ADAM20: variants seen among roughly 807,000 people sequenced by gnomAD.
The protein encoded by ADAM20 is ADAM metallopeptidase domain 20, also known as disintegrin and metalloproteinase domain-containing protein 20.
For missense variants in ADAM20, 871 were observed against 883.2 expected, an observed-to-expected ratio of 0.99 and a Z score of 0.18; for synonymous variants, 305 against 310.2, an observed-to-expected ratio of 0.98 and a Z score of 0.18.
the ADAM20 span, among the ~76,000 whole-genome samples, chr14:70,571,278 G>T: frequency 6.6e-6 from 1 of 152,146 alleles, no homozygotes; most frequent in Admixed American, 6.5e-5. Context: ...CCCATGTGGT[G>T]TGGGAAGGAC....
the ADAM20 span, among the ~76,000 whole-genome samples, chr14:70,552,904 C>T: frequency 3.1e-5 from 1 of 32,262 alleles, no homozygotes; most frequent in South Asian, 1.2e-3. Flanking sequence ...GACTTGGAAC[C>T]AACCCAAATG....
chr14:70,526,332 C>T (rs892843672), intron 1 of ADAM20, among the ~76,000 whole-genome samples: 9 of 152,156 alleles, frequency 5.9e-5, no homozygotes, highest in African/African-American at 2.2e-4. Context: ...AACCTCTATC[C>T]CTCCATGTGG....
chr14:70,570,936 G>A, the ADAM20 span, among the ~76,000 whole-genome samples: 1 of 152,150 alleles, frequency 6.6e-6, no homozygotes, highest in African/African-American at 2.4e-5. Flanking sequence ...TTATTTCTGG[G>A]AAACAAGGAT....
rs1300223024 is a variant in ADAM20 at position 70,523,635 on chromosome 14, T to C, written c.1123A>G (p.Lys375Glu). Residue 375 changes from lysine (K) to glutamate (E), a missense_variant, in exon 2 of 2, where the codon AAA (lysine) becomes GAA (glutamate). Coordinates refer to ENST00000256389, the MANE Select transcript of ADAM20 (RefSeq NM_003814.5). Reference protein sequence around the residue: ...IMHAYRKVTTKFSNCSYAQYW... With the variant: ...IMHAYRKVTTEFSNCSYAQYW... ...TGGGCATAACTGCAGTTGCTAAATT[T>C]AGTTGTCACCTTTCTATAGGCATGC... 2 of 1,613,986 alleles carry C rather than the reference T, an allele frequency of 1.2e-6. No individual in the cohort carries two copies. Among genetic ancestry groups the C allele is most frequent in the East Asian group, 2.2e-5 (1 of 44,888 alleles).
chr14:70,529,106 AT>A (rs1021995165), intron 1 of ADAM20, among the ~76,000 whole-genome samples: 13 of 152,310 alleles, frequency 8.5e-5, no homozygotes, highest in African/African-American at 2.9e-4. Flanking sequence ...TTGATACCCT[AT>A]TTTCAATAAT....
chr14:70,562,970 T>A, the ADAM20 span, among the ~76,000 whole-genome samples: 1 of 152,326 alleles, frequency 6.6e-6, no homozygotes, highest in African/African-American at 2.4e-5. Context: ...CTAAATTACA[T>A]CTATTTCAAT....
At chr14:70,568,816 A>G in the ADAM20 span, among the ~76,000 whole-genome samples, 1 of 152,122 alleles carries the variant, frequency 6.6e-6, no homozygotes, top group African/African-American at 2.4e-5. Context: ...AACCCAGATA[A>G]AGCAAAAAAA....
chr14:70,564,161 G>A, the ADAM20 span, among the ~76,000 whole-genome samples: 4 of 152,264 alleles, frequency 2.6e-5, no homozygotes, highest in Admixed American at 1.3e-4. Flanking sequence ...GAGACAACTA[G>A]GAGCAAAACA....
At chr14:70,558,797 C>CA in the ADAM20 span, among the ~76,000 whole-genome samples, 5,040 of 152,296 alleles carry the variant, frequency 0.033, 128 homozygotes, top group African/African-American at 0.072. Flanking sequence ...AAGCATTTGA[C>CA]AGAGTTGATG....
chr14:70,522,779 G>A lies in ADAM20; in HGVS notation c.1979C>T (p.Pro660Leu). Residue 660 changes from proline to leucine, a missense_variant, in exon 2 of 2, where the codon CCC (proline) becomes CTC (leucine). Pro to Leu is a moderately conservative substitution (Grantham distance 98). Coordinates refer to ENST00000256389, the MANE Select transcript of ADAM20 (RefSeq NM_003814.5). ...QHCHCNHEWAPPYCKDKGYGG... is the reference protein window; with the variant it reads ...QHCHCNHEWALPYCKDKGYGG... ...ATAGCCTTTGTCCTTGCAGTATGGG[G>A]GTGCCCATTCATGGTTGCAGTGACA... 3 of 1,614,024 alleles carry A rather than the reference G, an allele frequency of 1.9e-6. No homozygotes were observed. Among genetic ancestry groups the A allele is most frequent in the East Asian group, 2.2e-5 (1 of 44,880 alleles).
At chr14:70,559,410 C>A in the ADAM20 span, among the ~76,000 whole-genome samples, 1 of 152,046 alleles carries the variant, frequency 6.6e-6, no homozygotes, top group Admixed American at 6.5e-5. Flanking sequence ...ATCATTATCA[C>A]CCTGGTCAAA....
the ADAM20 span, among the ~76,000 whole-genome samples, chr14:70,572,410 A>C: frequency 6.6e-6 from 1 of 152,190 alleles, no homozygotes; most frequent in Non-Finnish European, 1.5e-5. Context: ...AAGAAGAATT[A>C]AACTGGACTT....
chr14:70,525,251 T>C (rs752155385), intron 1 of ADAM20, among the ~76,000 whole-genome samples: 1 of 152,198 alleles, frequency 6.6e-6, no homozygotes, highest in Non-Finnish European at 1.5e-5. Flanking sequence ...TACTGCTCTG[T>C]TGCCCAGGCT....
At position 70,523,899 on chromosome 14, in the gene ADAM20, G is replaced by C; in HGVS notation, c.859C>G (p.Leu287Val). ...EDFSIWKNYN[L>V]NNRLQHDVAH... is the part of the protein sequence containing the mutation. ...ACATCATGTTGTAGTCGATTATTAA[G>C]GTTATAATTCTTCCAAATAGAAAAG... is the stretch of plus-strand genomic sequence containing the variant. The change falls in exon 2 of 2, where the codon CTT becomes GTT. Residue 287 changes from leucine (L) to valine (V), a missense_variant. Coordinates refer to ENST00000256389, the MANE Select transcript of ADAM20 (RefSeq NM_003814.5). The C allele has an allele frequency of 6.2e-7, 1 of 1,613,922 alleles. No individual in the cohort carries two copies. Among genetic ancestry groups the C allele is most frequent in the Non-Finnish European group, 8.5e-7 (1 of 1,179,930 alleles).
the ADAM20 span, chr14:70,557,145 A>G: frequency 6.6e-5 from 10 of 152,244 alleles, no homozygotes; most frequent in Non-Finnish European, 1.2e-4. Context: ...TCCAAGGTAA[A>G]ACAACATAAT....
At chr14:70,535,540 G>A (rs1029412070), upstream of ADAM20, among the ~76,000 whole-genome samples, 1 of 152,146 alleles carries the variant, frequency 6.6e-6, no homozygotes, top group Non-Finnish European at 1.5e-5. Flanking sequence ...TCTCCTGTCT[G>A]AGAAGTCTAT....
chr14:70,544,411 T>C, the ADAM20 span, among the ~76,000 whole-genome samples: 4 of 152,128 alleles, frequency 2.6e-5, no homozygotes, highest in African/African-American at 9.7e-5. Context: ...TCAAAATGCA[T>C]AATAGAAAAT....
At chr14:70,533,047 CT>C (rs1263280114) in intron 1 of ADAM20, among the ~76,000 whole-genome samples, 2 of 152,014 alleles carry the variant, frequency 1.3e-5, no homozygotes, top group Non-Finnish European at 2.9e-5. Flanking sequence ...AGTGTGACTT[CT>C]GATACCATCT....
In ADAM20 at chr14:70,522,810, G is replaced by T. The variant is rs1440320178; in HGVS notation, c.1948C>A (p.Gln650Lys). Residue 650 changes from glutamine (Q) to lysine (K), a missense_variant, in exon 2 of 2, where the codon CAA (glutamine) becomes AAA (lysine). By Grantham distance (53) the Gln-to-Lys change is moderately conservative (BLOSUM62 1). Transcript: ENST00000256389. Reference sequence around the variant, plus strand: ...CATTCATGGTTGCAGTGACAGTGTTGTTTGTTGTTGCAGATTCCCCTCATG... The same window carrying T: ...CATTCATGGTTGCAGTGACAGTGTTTTTTGTTGTTGCAGATTCCCCTCATG... ...CNMRGICNNKQHCHCNHEWAP... is the reference protein window; with the variant it reads ...CNMRGICNNKKHCHCNHEWAP... 5.6e-6 allele frequency: 9 copies of T among 1,613,904 alleles called. No homozygotes were observed. The highest frequency in any genetic ancestry group is 3.3e-5 in the Admixed American group (2 of 59,982).
Sources: gnomAD v4.1 joint callset for allele counts (sites outside exome capture counted in the v4.1 genomes callset) on GRCh38, gnomAD v4.1.1 for gene constraint, MANE v1.5 for transcripts, NCBI Gene and HGNC (gene_info 2026-07-23, HGNC 2026-07-21) for gene names.